The following COMMD5 variants were observed in gnomAD, a reference collection of about 807,000 sequenced individuals.
COMMD5 encodes the protein COMM domain-containing protein 5.
A neutral mutation model predicts 6.9 loss-of-function variants in COMMD5; 10 were observed. The observed-to-expected ratio is 1.44, with a 90% CI of 0.89 to 2.45. The LOEUF (loss-of-function observed/expected upper bound fraction) is 2.45, where lower values mean the gene tolerates loss of function less well. Among genes scored for constraint, COMMD5 ranks in the 30% most tolerant of loss-of-function variants. The pLI is 0.00. For synonymous variants in COMMD5, 127 were observed against 125.3 expected (o/e 1.01, Z -0.09); for missense variants, 234 against 287.8 (o/e 0.81, Z 1.35).
intron 1 of COMMD5, chr8:144,843,323 C>T (rs543905701): frequency 1.7e-5 from 17 of 986,592 alleles, no homozygotes; most frequent in South Asian, 5.8e-5. Context: ...AGTGTGGTGG[C>T]TTATGCCTGT....
intron 1 of COMMD5, among the ~76,000 whole-genome samples, chr8:144,843,991 G>T (rs1053772582): frequency 1.3e-5 from 2 of 152,172 alleles, no homozygotes; most frequent in Non-Finnish European, 2.9e-5. Context: ...GGCAGGCTGG[G>T]CTAGCAGGTA....
At chr8:144,841,287 G>A (rs901737608) in exon 2 of COMMD5, 19 of 1,486,072 alleles carry the variant, frequency 1.3e-5, no homozygotes, top group South Asian at 5.3e-5. Flanking sequence ...CCTGGCCCCC[G>A]CATTTGTAGT....
intron 1 of COMMD5, chr8:144,843,152 A>C (rs1359233740): frequency 6.3e-7 from 1 of 1,590,890 alleles, no homozygotes; most frequent in Non-Finnish European, 8.5e-7. Context: ...CAGCATCAAA[A>C]AATTCACATG....
exon 2 of COMMD5, chr8:144,841,099 C>T: frequency 2.1e-6 from 1 of 468,040 alleles, no homozygotes; most frequent in Non-Finnish European, 3.8e-6. Flanking sequence ...TAGGATGGAC[C>T]TCTCTGCTCA....
Position 144,841,488 on chromosome 8 carries a change from T to G in COMMD5, c.*372A>C. On this transcript the variant is annotated 3_prime_UTR_variant and NMD_transcript_variant, in exon 2 of 2. Coordinates refer to the COMMD5 transcript ENST00000530332. ...ATCCTGGCTTTGGAGACGTTTCTGA[T>G]TCTGAGGTCTGGTTAGACAGTCATC... 4 of 1,614,180 alleles carry G rather than the reference T, an allele frequency of 2.5e-6. No homozygotes were observed. The South Asian group carries it at 3.3e-5, about 13-fold the overall frequency.
chr8:144,840,981 A>T (rs115090400), downstream of COMMD5: 259 of 212,688 alleles, frequency 1.2e-3, no homozygotes, highest in African/African-American at 5.4e-3. Flanking sequence ...GCCAGCTCGG[A>T]TGCTGGAGCC....
downstream of COMMD5, chr8:144,838,958 A>AGCAGGGGCTGTGATCTTACTTCCATTC (rs1829462701): frequency 2.0e-5 from 3 of 152,054 alleles, no homozygotes; most frequent in Admixed American, 6.6e-5. Context: ...AAAAAAAAAA[A>AGCAGGGGCTGTGATCTTACTTCCATTC]AAAAGCAGGG....
downstream of COMMD5, chr8:144,845,931 A>G: frequency 7.9e-6 from 12 of 1,519,724 alleles, no homozygotes; most frequent in Middle Eastern, 1.7e-4. Flanking sequence ...CCAGGTGGTC[A>G]CCTTCAGGTC....
At chr8:144,844,428 G>A (rs1830369995) in intron 1 of COMMD5, among the ~76,000 whole-genome samples, 1 of 152,090 alleles carries the variant, frequency 6.6e-6, no homozygotes, top group African/African-American at 2.4e-5. Context: ...AGACGAAAAT[G>A]GGCCGGGCGT....
At chr8:144,839,861 G>GC (rs935115591), downstream of COMMD5, among the ~76,000 whole-genome samples, 1 of 152,202 alleles carries the variant, frequency 6.6e-6, no homozygotes, top group African/African-American at 2.4e-5. Flanking sequence ...CCACCACCGT[G>GC]CCCCCTGCTG....
At chr8:144,838,004 A>G (rs745523915), downstream of COMMD5, 1 of 693,144 alleles carries the variant, frequency 1.4e-6, no homozygotes, top group South Asian at 1.5e-5. Context: ...TTATTGTCTC[A>G]CAGCTGTGGA....
intron 1 of COMMD5, chr8:144,842,123 G>A: frequency 1.2e-6 from 2 of 1,614,150 alleles, no homozygotes; most frequent in Non-Finnish European, 1.7e-6. Context: ...TGTCGTGAGT[G>A]TGGGAAAGCC....
At chr8:144,847,505 C>G (rs1015113743), downstream of COMMD5, 1 of 152,188 alleles carries the variant, frequency 6.6e-6, no homozygotes, top group Non-Finnish European at 1.5e-5. Context: ...AAATCTATAA[C>G]CTAGGCCTGG....
At chr8:144,843,392 A>C (rs778629290) in intron 1 of COMMD5, 65 of 457,248 alleles carry the variant, frequency 1.4e-4, no homozygotes, top group Non-Finnish European at 2.2e-4. Context: ...GGTTGAGACC[A>C]TCCTGGGTAA....
At chr8:144,846,231 A>T, downstream of COMMD5, 1 of 1,501,306 alleles carries the variant, frequency 6.7e-7, no homozygotes, top group Non-Finnish European at 8.9e-7. Context: ...ACTAACAGCA[A>T]CCAGCCAAAA....
Position 144,842,349 on chromosome 8 carries a change from G to C in COMMD5, c.*117-606C>G, listed in dbSNP as rs776788773. On this transcript the variant is annotated intron_variant and NMD_transcript_variant, in intron 1 of 1. Coordinates refer to the COMMD5 transcript ENST00000530332. Reference sequence around the variant, plus strand: ...TTCACGCTGTAGAGAAACCATTTAAGTGTGATGAGTGTGGGAAAGCTTTTA... The same window carrying C: ...TTCACGCTGTAGAGAAACCATTTAACTGTGATGAGTGTGGGAAAGCTTTTA... 2.5e-6 allele frequency: 4 copies of C among 1,613,810 alleles called. No individual in the cohort carries two copies. The Middle Eastern group carries it at 4.9e-4, about 199-fold the overall frequency.
chr8:144,843,196 G>A (rs1305688263), intron 1 of COMMD5: 4 of 1,535,864 alleles, frequency 2.6e-6, no homozygotes, highest in African/African-American at 1.4e-5. Context: ...GTGTATATAT[G>A]TGAATAAACC....
chr8:144,852,055 C>T (rs1485095484), intron 1 of COMMD5, among the ~76,000 whole-genome samples: 1 of 151,230 alleles, frequency 6.6e-6, no homozygotes, highest in Non-Finnish European at 1.5e-5. Context: ...GACAGAGGAT[C>T]CCTTGAGCCC....
rs1263810746 is a variant in COMMD5 at position 144,850,996 on chromosome 8, C to T, written c.343G>A (p.Glu115Lys). The T allele has an allele frequency of 6.2e-7, 1 of 1,612,398 alleles. No individual in the cohort carries two copies. The highest frequency in any genetic ancestry group is 2.2e-5 in the East Asian group (1 of 44,872). ...ACCAGGTCTTGGGGGATGCAGAGCT[C>T]CTGGAGCTGGTCCCTGAAGGTGTCA... ...KPDTFRDQLQ[E>K]LCIPQDLVGD... Residue 115 changes from glutamate to lysine, a missense_variant, in exon 2 of 2, where the codon GAG becomes AAG. Physicochemically the swap from Glu to Lys is moderately conservative, Grantham distance 56. Transcript: ENST00000305103. This position sits in a 1 kb window ranked among gnomAD's most constrained non-coding sequence, Gnocchi z 4.0.
Sources: allele counts gnomAD v4.1 joint callset (sites outside exome capture counted in the v4.1 genomes callset), GRCh38; gene constraint gnomAD v4.1.1; non-coding constraint Gnocchi (gnomAD v3.1); transcripts MANE v1.5; gene names NCBI Gene and HGNC (gene_info 2026-07-23, HGNC 2026-07-21).